The following MAF variants were observed in gnomAD, a reference collection of about 807,000 sequenced individuals.
The protein encoded by MAF is transcription factor Maf.
MAF carries 10 observed loss-of-function variants against 22.0 expected under a neutral mutation model. That is an observed-to-expected ratio of 0.45 (90% CI 0.28 to 0.77). The LOEUF is 0.77. Among genes scored for constraint, MAF ranks in the 30% least tolerant of loss-of-function variants. The pLI, the probability that MAF is intolerant of heterozygous loss-of-function variation, is 0.12. For synonymous variants in MAF, 337 were observed against 255.8 expected (o/e 1.32, Z -3.03); for missense variants, 544 against 548.4 (o/e 0.99, Z 0.08).
chr16:79,223,940 A>C, the MAF span, among the ~76,000 whole-genome samples: 1 of 152,206 alleles, frequency 6.6e-6, no homozygotes, highest in African/African-American at 2.4e-5. Flanking sequence ...TACAAAGAGG[A>C]GCTGGTACCA....
the MAF span, among the ~76,000 whole-genome samples, chr16:79,473,049 GA>G: frequency 6.6e-6 from 1 of 152,132 alleles, no homozygotes; most frequent in African/African-American, 2.4e-5. Context: ...TACAGGTTGT[GA>G]TAAGGGGAAC....
At chr16:79,256,409 G>C in the MAF span, among the ~76,000 whole-genome samples, 1,194 of 152,218 alleles carry the variant, frequency 7.8e-3, 7 homozygotes, top group African/African-American at 0.028. Flanking sequence ...TAAGGAGAAT[G>C]AATTTCAGGT....
the MAF span, among the ~76,000 whole-genome samples, chr16:79,496,410 G>A: frequency 6.6e-6 from 1 of 152,262 alleles, no homozygotes; most frequent in Middle Eastern, 3.4e-3. Flanking sequence ...AAATCAGCAG[G>A]CTTAGAACTG....
At chr16:79,263,213 C>G in the MAF span, among the ~76,000 whole-genome samples, 3 of 152,132 alleles carry the variant, frequency 2.0e-5, no homozygotes, top group Admixed American at 2.0e-4. Context: ...GATAACTAAA[C>G]GCATCATTGC....
At chr16:79,574,173 G>C in the MAF span, among the ~76,000 whole-genome samples, 1 of 152,204 alleles carries the variant, frequency 6.6e-6, no homozygotes. Flanking sequence ...CTTTGGAGCA[G>C]GCCCACTTTT....
chr16:79,225,680 G>GA, the MAF span, among the ~76,000 whole-genome samples: 4 of 151,420 alleles, frequency 2.6e-5, no homozygotes, highest in Admixed American at 6.6e-5. Context: ...AAATTTACAA[G>GA]AAAAAAAACC....
the MAF span, among the ~76,000 whole-genome samples, chr16:79,446,466 C>T: frequency 6.6e-6 from 1 of 152,058 alleles, no homozygotes; most frequent in African/African-American, 2.4e-5. Context: ...CTAGAAGTGA[C>T]CCTGTTTGGG....
At chr16:79,246,544 G>T in the MAF span, among the ~76,000 whole-genome samples, 1 of 139,782 alleles carries the variant, frequency 7.2e-6, no homozygotes, top group Non-Finnish European at 1.6e-5. Context: ...TTTTTTTGGG[G>T]GGGGTGTGGG....
the MAF span, among the ~76,000 whole-genome samples, chr16:79,544,544 T>A: frequency 6.6e-6 from 1 of 151,804 alleles, no homozygotes; most frequent in African/African-American, 2.4e-5. Context: ...AGAGACCGAG[T>A]TGGGTGGATC....
the MAF span, among the ~76,000 whole-genome samples, chr16:79,576,078 C>T: frequency 2.0e-5 from 3 of 151,986 alleles, no homozygotes; most frequent in Admixed American, 6.6e-5. Context: ...TAGGGTTACC[C>T]TCATAAGGTT....
At position 79,597,898 on chromosome 16, in the gene MAF, T is replaced by C. The variant is rs558549327; in HGVS notation, c.1118+887A>G. Reference sequence around the variant, plus strand: ...ACAAAGTAGCAAGCATAATAATGCATGAGATGAGAATGAGTTTTTTTAATG... The same window carrying C: ...ACAAAGTAGCAAGCATAATAATGCACGAGATGAGAATGAGTTTTTTTAATG... On this transcript the variant is annotated intron_variant, in intron 1 of 1. Coordinates refer to ENST00000326043, the MANE Select transcript of MAF (RefSeq NM_005360.5). The C allele has an allele frequency of 1.6e-3, 1,703 of 1,036,844 alleles. 4 individuals are homozygous for C. Among genetic ancestry groups the C allele is most frequent in the Non-Finnish European group, 1.8e-3 (1,584 of 861,150 alleles). The allele number at this position is 1,036,844 out of a possible 1,614,324, so 64.2% of individuals were successfully genotyped here. A position where few individuals can be genotyped will look rare whatever the true frequency, so the allele number is the denominator to read the frequency against.
the MAF span, among the ~76,000 whole-genome samples, chr16:79,235,380 C>T: frequency 4.6e-5 from 7 of 151,898 alleles, no homozygotes; most frequent in Non-Finnish European, 8.8e-5. Flanking sequence ...TATCAAGATA[C>T]CATCCCTAGA....
At chr16:79,257,807 C>T in the MAF span, among the ~76,000 whole-genome samples, 1 of 152,142 alleles carries the variant, frequency 6.6e-6, no homozygotes, top group East Asian at 1.9e-4. Flanking sequence ...GAAAATGTTG[C>T]TGTTAGTGAA....
chr16:79,310,979 G>T, the MAF span, among the ~76,000 whole-genome samples: 1 of 152,022 alleles, frequency 6.6e-6, no homozygotes, highest in Non-Finnish European at 1.5e-5. Context: ...TCCCAGGAGC[G>T]CGAGCTTCCA....
At chr16:79,424,484 T>C in the MAF span, among the ~76,000 whole-genome samples, 2 of 152,310 alleles carry the variant, frequency 1.3e-5, no homozygotes, top group African/African-American at 4.8e-5. Flanking sequence ...ATTAAAAAAA[T>C]TAGAAGTTAT....
chr16:79,526,819 A>G, the MAF span, among the ~76,000 whole-genome samples: 3 of 151,340 alleles, frequency 2.0e-5, no homozygotes, highest in Admixed American at 1.3e-4. Context: ...AATGGGATAC[A>G]TTCAATATTA....
chr16:79,590,005 G>C (rs1459028406), downstream of MAF, among the ~76,000 whole-genome samples: 1 of 152,158 alleles, frequency 6.6e-6, no homozygotes, highest in Admixed American at 6.5e-5. Flanking sequence ...GCAATCTTCG[G>C]GACCCGCCCC....
the MAF span, among the ~76,000 whole-genome samples, chr16:79,447,975 C>T: frequency 3.7e-3 from 549 of 147,346 alleles, 3 homozygotes; most frequent in African/African-American, 0.013. Context: ...CATAATAAAA[C>T]TTGAATGAAT....
chr16:79,279,558 C>A, the MAF span, among the ~76,000 whole-genome samples: 1 of 152,094 alleles, frequency 6.6e-6, no homozygotes, highest in African/African-American at 2.4e-5. Flanking sequence ...GGATCCTGGG[C>A]TGCAGGATGA....
Sources: allele counts gnomAD v4.1 joint callset (sites outside exome capture counted in the v4.1 genomes callset), GRCh38; gene constraint gnomAD v4.1.1; transcripts MANE v1.5; gene names NCBI Gene and HGNC (gene_info 2026-07-23, HGNC 2026-07-21).